The following PLXNA4 variants were observed in gnomAD, a reference collection of about 807,000 sequenced individuals.
PLXNA4 encodes plexin A4.
Under a neutral mutation model 191.8 loss-of-function variants are expected in PLXNA4, and 44 were observed. The observed-to-expected ratio is 0.23, with a 90% CI of 0.18 to 0.29. The LOEUF is 0.29. Ranked by LOEUF, PLXNA4 falls within the 10% of genes least tolerant of loss-of-function variation. PLXNA4 has a pLI of 1.00. For synonymous variants in PLXNA4, 1,082 were observed against 1,009.5 expected, an observed-to-expected ratio of 1.07 and a Z score of -1.36; for missense variants, 1,800 against 2,488.8, an observed-to-expected ratio of 0.72 and a Z score of 5.89.
chr7:132,510,551 A>G (rs1036850394), intron 1 of PLXNA4, among the ~76,000 whole-genome samples: 2 of 152,226 alleles, frequency 1.3e-5, no homozygotes, highest in Admixed American at 6.5e-5. Flanking sequence ...GCGTAGTCAA[A>G]TCAGGCCGAT....
chr7:132,177,583 T>G (rs1367563058), intron 20 of PLXNA4, among the ~76,000 whole-genome samples: 4 of 152,068 alleles, frequency 2.6e-5, no homozygotes, highest in Non-Finnish European at 4.4e-5. Flanking sequence ...GGGTGGGAGC[T>G]CCCATCGGCT....
In PLXNA4 at chr7:132,133,216, A is replaced by G; in HGVS notation, c.5439-17T>C. On this transcript the variant is annotated splice_polypyrimidine_tract_variant and intron_variant, in intron 30 of 31. Coordinates refer to ENST00000321063, the MANE Select transcript of PLXNA4 (RefSeq NM_020911.2). ...GAGTAATACCTGTGGAGGGATGGAA[A>G]TAGGGAGAAGCTGAAGTCGTGCATA... 8 of 1,613,372 alleles carry G rather than the reference A, an allele frequency of 5.0e-6. No homozygotes were observed. Among genetic ancestry groups the G allele is most frequent in the Non-Finnish European group, 6.8e-6 (8 of 1,179,628 alleles).
chr7:132,242,552 C>G (rs186565050), intron 4 of PLXNA4, among the ~76,000 whole-genome samples: 99 of 152,082 alleles, frequency 6.5e-4, no homozygotes, highest in Non-Finnish European at 2.9e-5. Flanking sequence ...TTTCTTATTC[C>G]CTTTATGCAT....
chr7:132,508,600 G>T lies in PLXNA4; in HGVS notation c.94C>A (p.Pro32Thr). The change falls in exon 2 of 32, where the codon CCG becomes ACG. Residue 32 changes from proline (P) to threonine (T), a missense_variant. Pro to Thr is a conservative substitution (Grantham distance 38). Transcript: ENST00000321063. This position sits in a 1 kb window ranked among gnomAD's most constrained non-coding sequence, Gnocchi z 4.4. ...AATGACCGCTGCTTCTGGGACAGCG[G>T]GGCTGGCTGCCGGGTGAGCAAAGTG... ...SSTLLTRQPA[P>T]LSQKQRSFVT... 6.2e-7 allele frequency: 1 copy of T among 1,613,386 alleles called. No homozygotes were observed. Among genetic ancestry groups the T allele is most frequent in the Non-Finnish European group, 8.5e-7 (1 of 1,179,522 alleles).
intron 26 of PLXNA4, 130 bp downstream of exon 26, chr7:132,148,413 T>C: frequency 7.4e-7 from 1 of 1,354,696 alleles, no homozygotes; most frequent in Non-Finnish European, 9.9e-7. Context: ...ACCAATTTCC[T>C]CTGGATCACT....
At chr7:132,613,874 C>G (rs1803101907) in intron 2 of PLXNA4, among the ~76,000 whole-genome samples, 1 of 152,124 alleles carries the variant, frequency 6.6e-6, no homozygotes, top group Non-Finnish European at 1.5e-5. Flanking sequence ...AAAAAATGTT[C>G]CACAGTTCTG....
At chr7:132,633,931 T>TCACA (rs145260888) in intron 2 of PLXNA4, among the ~76,000 whole-genome samples, 1 of 150,840 alleles carries the variant, frequency 6.6e-6, no homozygotes, top group Admixed American at 6.6e-5. Flanking sequence ...CTCCAGCACA[T>TCACA]CACACACACA....
chr7:132,297,946 A>G, intron 4 of PLXNA4, 145 bp downstream of exon 4: 1 of 1,017,826 alleles, frequency 9.8e-7, no homozygotes, highest in South Asian at 1.6e-5. Context: ...CAGGCAGCAT[A>G]ACTGAAAAGT....
intron 30 of PLXNA4, among the ~76,000 whole-genome samples, chr7:132,138,773 T>G (rs1260967396): frequency 6.6e-6 from 1 of 152,134 alleles, no homozygotes; most frequent in Non-Finnish European, 1.5e-5. Flanking sequence ...CAAACCTCAT[T>G]GAGCACCAAG....
chr7:132,398,155 TG>T (rs1409931210), intron 3 of PLXNA4, among the ~76,000 whole-genome samples: 1 of 152,256 alleles, frequency 6.6e-6, no homozygotes, highest in Non-Finnish European at 1.5e-5. Context: ...GAACCCTTGG[TG>T]TCTCAGTTTC....
chr7:132,449,050 G>A (rs1352592883), intron 3 of PLXNA4, among the ~76,000 whole-genome samples: 1 of 152,128 alleles, frequency 6.6e-6, no homozygotes, highest in Non-Finnish European at 1.5e-5. Context: ...CAAACCACTG[G>A]TTTATGATCA....
chr7:132,352,098 T>A (rs1803511499), intron 3 of PLXNA4, among the ~76,000 whole-genome samples: 1 of 152,198 alleles, frequency 6.6e-6, no homozygotes, highest in South Asian at 2.1e-4. Flanking sequence ...TGCATTCAGC[T>A]GGAATAGGGT....
chr7:132,621,993 T>C (rs757499915), intron 2 of PLXNA4, among the ~76,000 whole-genome samples: 18 of 152,294 alleles, frequency 1.2e-4, no homozygotes, highest in Non-Finnish European at 2.4e-4. Context: ...CAGAGACAGC[T>C]AGCTATCCTC....
At chr7:132,144,774 C>G (rs1390774915) in intron 29 of PLXNA4, among the ~76,000 whole-genome samples, 1 of 152,240 alleles carries the variant, frequency 6.6e-6, no homozygotes, top group East Asian at 1.9e-4. Flanking sequence ...AGCATAATCA[C>G]AGGCACCCAG....
intron 2 of PLXNA4, among the ~76,000 whole-genome samples, chr7:132,497,099 C>T (rs1454799868): frequency 6.8e-6 from 1 of 146,210 alleles, no homozygotes; most frequent in Non-Finnish European, 1.5e-5. Context: ...ATTAATTACA[C>T]TTATGCACAC....
intron 5 of PLXNA4, among the ~76,000 whole-genome samples, chr7:132,233,489 G>A (rs2117005581): frequency 6.6e-6 from 1 of 152,302 alleles, no homozygotes; most frequent in South Asian, 2.1e-4. Flanking sequence ...TAATACTTAG[G>A]ATGAATCCCA....
intron 3 of PLXNA4, among the ~76,000 whole-genome samples, chr7:132,339,250 T>C (rs2116735301): frequency 6.6e-6 from 1 of 152,304 alleles, no homozygotes; most frequent in Admixed American, 6.5e-5. Context: ...TGTTAGAGAT[T>C]TTTCTACCTA....
At position 132,151,322 on chromosome 7, in the gene PLXNA4, GGAGGAA is replaced by G. The variant is rs1276362954; in HGVS notation, c.4661-2682_4661-2677del. Among the ~76,000 whole-genome samples the G allele has an allele frequency of 9.5e-4, 80 of 84,172 alleles. 1 individual carries two copies. The highest frequency in any genetic ancestry group is 2.5e-3 in the African/African-American group (75 of 30,510). The allele number at this position is 84,172 out of a possible 152,430, so 55.2% of individuals were successfully genotyped here. ...GAAGGAGGAGGAAGAAGGAGGAGGA[GGAGGAA>G]GAAGAAGGAGGAGGAGGAGGAAGAA... On this transcript the variant is annotated intron_variant, in intron 25 of 31. Transcript: ENST00000321063.
intron 3 of PLXNA4, among the ~76,000 whole-genome samples, chr7:132,419,186 G>A (rs1459688630): frequency 3.9e-5 from 6 of 152,140 alleles, no homozygotes. Flanking sequence ...GGAGAAAATT[G>A]GGCGAGAACA....
Sources: allele counts gnomAD v4.1 joint callset (sites outside exome capture counted in the v4.1 genomes callset), GRCh38; gene constraint gnomAD v4.1.1; non-coding constraint Gnocchi (gnomAD v3.1); transcripts MANE v1.5; gene names NCBI Gene and HGNC (gene_info 2026-07-23, HGNC 2026-07-21).